CNTN1: variants seen among roughly 807,000 people sequenced by gnomAD.
The protein encoded by CNTN1 is contactin 1.
Under a neutral mutation model 126.4 loss-of-function variants are expected in CNTN1, and 38 were observed. The ratio of observed to expected loss-of-function variants is 0.30; its 90% CI spans 0.23 to 0.39. The LOEUF is 0.39. CNTN1 is among the 10% of genes least tolerant of loss of function. CNTN1 has a pLI of 1.00. For missense variants in CNTN1, 1,009 were observed against 1,248.4 expected (o/e 0.81, Z 2.89); for synonymous variants, 413 against 422.6 (o/e 0.98, Z 0.28).
intron 1 of CNTN1, among the ~76,000 whole-genome samples, chr12:40,712,057 G>A (rs1025425210): frequency 2.0e-5 from 3 of 151,922 alleles, no homozygotes; most frequent in South Asian, 2.1e-4. Flanking sequence ...CTTACTTCAC[G>A]GTTCTTTGCC....
intron 14 of CNTN1, 88 bp downstream of exon 14, chr12:40,944,258 A>G: frequency 2.4e-6 from 3 of 1,270,408 alleles, no homozygotes; most frequent in African/African-American, 2.9e-5. Flanking sequence ...CACATTTTAT[A>G]TCATCTTTGT....
chr12:40,849,384 C>T (rs182819035), intron 1 of CNTN1, among the ~76,000 whole-genome samples: 3 of 151,974 alleles, frequency 2.0e-5, no homozygotes, highest in Non-Finnish European at 4.4e-5. Flanking sequence ...AAAACATAAA[C>T]AAATGTAATA....
chr12:41,011,352 CAA>C (rs1948648108), intron 17 of CNTN1, among the ~76,000 whole-genome samples: 1 of 152,156 alleles, frequency 6.6e-6, no homozygotes, highest in Middle Eastern at 3.2e-3. Flanking sequence ...ATTTTTTCTT[CAA>C]AGTCTCAGGA....
chr12:40,909,426 A>C (rs1944949575), intron 2 of CNTN1, among the ~76,000 whole-genome samples: 3 of 151,968 alleles, frequency 2.0e-5, no homozygotes. Flanking sequence ...TTTTTCTAAT[A>C]CTTTCATGAT....
intron 1 of CNTN1, among the ~76,000 whole-genome samples, chr12:40,733,821 G>A (rs543468393): frequency 2.8e-4 from 43 of 152,082 alleles, no homozygotes; most frequent in Admixed American, 9.2e-4. Context: ...TGATCCTCAC[G>A]TTTGTCAAGA....
chr12:40,790,554 C>T (rs1388360116), intron 1 of CNTN1, among the ~76,000 whole-genome samples: 1 of 152,048 alleles, frequency 6.6e-6, no homozygotes, highest in Non-Finnish European at 1.5e-5. Context: ...CTGTATGTAC[C>T]TCCTTGCCTT....
At chr12:40,941,043 C>T (rs1426965619) in intron 12 of CNTN1, among the ~76,000 whole-genome samples, 1 of 152,070 alleles carries the variant, frequency 6.6e-6, no homozygotes, top group Non-Finnish European at 1.5e-5. Flanking sequence ...CCTCTTCAAC[C>T]AAGGATTTCC....
intron 17 of CNTN1, among the ~76,000 whole-genome samples, chr12:40,999,065 T>C (rs1948289626): frequency 6.6e-6 from 1 of 152,160 alleles, no homozygotes; most frequent in African/African-American, 2.4e-5. Context: ...ATGCAAATTA[T>C]TTAAGCATTC....
chr12:41,008,971 G>A (rs760763926), intron 17 of CNTN1, among the ~76,000 whole-genome samples: 5 of 152,214 alleles, frequency 3.3e-5, no homozygotes, highest in African/African-American at 4.8e-5. Context: ...CAGTTCAGCT[G>A]GTTGAGCACT....
intron 23 of CNTN1, among the ~76,000 whole-genome samples, chr12:41,036,978 A>G (rs1028084839): frequency 1.3e-5 from 2 of 152,188 alleles, no homozygotes; most frequent in African/African-American, 2.4e-5. Context: ...ATTAATGTAA[A>G]TATACAGATG....
At chr12:40,987,268 A>C (rs2120448256) in intron 16 of CNTN1, among the ~76,000 whole-genome samples, 1 of 152,354 alleles carries the variant, frequency 6.6e-6, no homozygotes, top group African/African-American at 2.4e-5. Context: ...TATGTTTCAA[A>C]GATATCAATT....
intron 1 of CNTN1, among the ~76,000 whole-genome samples, chr12:40,839,546 C>G (rs1462488110): frequency 6.6e-6 from 1 of 152,074 alleles, no homozygotes; most frequent in Admixed American, 6.6e-5. Context: ...ATCTAGTCAT[C>G]TATAAAGGGA....
chr12:41,068,638 A>ATCTC lies in CNTN1; in HGVS notation c.2981-1320_2981-1317dup, dbSNP rs540309201. On this transcript the variant is annotated intron_variant, in intron 23 of 23. Coordinates refer to ENST00000551295, the MANE Select transcript of CNTN1 (RefSeq NM_001843.4). ...CAGAGATTCAGGAGAAATGCACTAA[A>ATCTC]TCTCCCTGAATATAAAAGGACCATG... is the stretch of plus-strand genomic sequence containing the variant. 5.9e-5 allele frequency among the ~76,000 whole-genome samples: 9 copies of ATCTC among 152,246 alleles called. No homozygotes were observed. The East Asian group carries it at 1.7e-3, about 29-fold the overall frequency.
At chr12:40,824,043 A>G (rs1941533766) in intron 1 of CNTN1, among the ~76,000 whole-genome samples, 1 of 152,102 alleles carries the variant, frequency 6.6e-6, no homozygotes, top group Non-Finnish European at 1.5e-5. Context: ...TATGGCATCC[A>G]GTCTATCATT....
At chr12:40,889,275 G>T (rs1336806500) in intron 1 of CNTN1, among the ~76,000 whole-genome samples, 1 of 152,166 alleles carries the variant, frequency 6.6e-6, no homozygotes, top group Non-Finnish European at 1.5e-5. Context: ...AAAGATGGGG[G>T]ATGTGATAAG....
chr12:40,823,592 C>A (rs1293164007), intron 1 of CNTN1, among the ~76,000 whole-genome samples: 4 of 152,004 alleles, frequency 2.6e-5, no homozygotes, highest in Admixed American at 1.3e-4. Flanking sequence ...GCAAATTTAC[C>A]ATCAATTTAT....
chr12:40,720,955 A>G (rs1462047671), intron 1 of CNTN1, among the ~76,000 whole-genome samples: 1 of 150,936 alleles, frequency 6.6e-6, no homozygotes, highest in Non-Finnish European at 1.5e-5. Flanking sequence ...AGAGAAATAT[A>G]TATATATATG....
At chr12:40,999,589 G>T (rs1948304068) in intron 17 of CNTN1, among the ~76,000 whole-genome samples, 1 of 151,708 alleles carries the variant, frequency 6.6e-6, no homozygotes, top group South Asian at 2.1e-4. Context: ...TTTCTAATAT[G>T]CTAAGGCTAC....
At chr12:40,716,029 T>C (rs760495331) in intron 1 of CNTN1, among the ~76,000 whole-genome samples, 4 of 152,068 alleles carry the variant, frequency 2.6e-5, no homozygotes, top group African/African-American at 4.8e-5. Flanking sequence ...ACTTTCTTTA[T>C]GTCAGGCACT....
Sources: gnomAD v4.1 joint callset for allele counts (sites outside exome capture counted in the v4.1 genomes callset) on GRCh38, gnomAD v4.1.1 for gene constraint, MANE v1.5 for transcripts, NCBI Gene and HGNC (gene_info 2026-07-23, HGNC 2026-07-21) for gene names.